Variants in TCAF1 observed in about 807,000 individuals in gnomAD.
TCAF1 encodes TRPM8 channel associated factor 1.
A neutral mutation model predicts 27.3 loss-of-function variants in TCAF1; 4 were observed. That is an observed-to-expected ratio of 0.15 (90% CI 0.07 to 0.34). The LOEUF (loss-of-function observed/expected upper bound fraction) is 0.34. Ranked by LOEUF, TCAF1 falls within the 10% of genes least tolerant of loss-of-function variation. The pLI, the probability that TCAF1 is intolerant of heterozygous loss-of-function variation, is 1.00. For missense variants in TCAF1, 257 were observed against 425.8 expected (o/e 0.60, Z 3.49); for synonymous variants, 105 against 167.1 (o/e 0.63, Z 2.87).
At chr7:143,895,962 A>C (rs1813854273) in intron 1 of TCAF1, among the ~76,000 whole-genome samples, 1 of 151,296 alleles carries the variant, frequency 6.6e-6, no homozygotes, top group African/African-American at 2.4e-5. Context: ...AGGGAAAGAA[A>C]CATAAAAGGC....
At chr7:143,881,576 G>A (rs767422830) in intron 1 of TCAF1, among the ~76,000 whole-genome samples, 3 of 152,010 alleles carry the variant, frequency 2.0e-5, no homozygotes, top group Non-Finnish European at 2.9e-5. Flanking sequence ...GAATACATGT[G>A]GAGGGATATA....
At position 143,901,633 on chromosome 7, in the gene TCAF1, TG is replaced by T. The variant is rs1485587907; in HGVS notation, c.-15+327del. On this transcript the variant is annotated intron_variant, in intron 1 of 8. Transcript: ENST00000479870. ...ACGGAGACAAGCTAGCCTAGAAGAA[TG>T]CAAGCCCCCAGCTGGCGAGATCAAA... Among the ~76,000 whole-genome samples, 4 of 152,282 alleles carry T rather than the reference TG, an allele frequency of 2.6e-5. No homozygotes were observed. In the East Asian group the frequency reaches 7.8e-4, roughly 30 times the overall value.
intron 1 of TCAF1, chr7:143,885,538 G>C (rs1173711795): frequency 1.0e-6 from 1 of 985,296 alleles, no homozygotes; most frequent in Non-Finnish European, 1.2e-6. Flanking sequence ...GCAGCAGGAC[G>C]ATTTGTTTCA....
In TCAF1 at chr7:143,876,351, A is replaced by G. The variant is rs771935260; in HGVS notation, c.258T>C (p.Ser86=). 4.3e-6 allele frequency: 7 copies of G among 1,614,210 alleles called. No homozygotes were observed. The highest frequency in any genetic ancestry group is 1.3e-5 in the African/African-American group (1 of 75,068). ...GTACACCAATGGGAGCCCCAGGGGA[A>G]GAGCAAAGCCACCCCACTGCGTTCA... ...FLLNAVGWLC[S]SPGAPIGVHP... The change falls in exon 2 of 9, where the codon TCT becomes TCC. Residue 86 remains serine, a synonymous_variant. Coordinates refer to ENST00000479870, the MANE Select transcript of TCAF1 (RefSeq NM_014719.3).
chr7:143,878,334 T>G (rs971958714), intron 1 of TCAF1, among the ~76,000 whole-genome samples: 1 of 152,194 alleles, frequency 6.6e-6, no homozygotes, highest in Non-Finnish European at 1.5e-5. Flanking sequence ...TTAATAGTTT[T>G]CATATTTTGG....
chr7:143,892,401 T>G (rs1274013053), intron 1 of TCAF1, among the ~76,000 whole-genome samples: 1 of 151,936 alleles, frequency 6.6e-6, no homozygotes, highest in Admixed American at 6.6e-5. Flanking sequence ...TTTAAAAAAT[T>G]ATAATTCAAA....
chr7:143,870,569 T>C (rs1252039314), intron 2 of TCAF1, among the ~76,000 whole-genome samples: 1 of 152,220 alleles, frequency 6.6e-6, no homozygotes, highest in African/African-American at 2.4e-5. Context: ...TGAGGACATA[T>C]ATGGTATGAT....
intron 2 of TCAF1, among the ~76,000 whole-genome samples, chr7:143,875,510 T>C (rs1812647882): frequency 6.6e-6 from 1 of 152,192 alleles, no homozygotes; most frequent in South Asian, 2.1e-4. Flanking sequence ...TTGAACCATC[T>C]TTTCTGATAT....
chr7:143,884,238 A>C (rs1813268639), intron 1 of TCAF1, among the ~76,000 whole-genome samples: 1 of 152,160 alleles, frequency 6.6e-6, no homozygotes, highest in Non-Finnish European at 1.5e-5. Context: ...CTGGGGTTTG[A>C]GTCCCAACCC....
At chr7:143,878,500 A>T (rs1586772365) in intron 1 of TCAF1, among the ~76,000 whole-genome samples, 1 of 152,254 alleles carries the variant, frequency 6.6e-6, no homozygotes, top group East Asian at 1.9e-4. Context: ...CAAGTTCAAG[A>T]CCATACTGGC....
intron 1 of TCAF1, among the ~76,000 whole-genome samples, chr7:143,877,306 T>A (rs2116782515): frequency 6.6e-6 from 1 of 152,236 alleles, no homozygotes; most frequent in African/African-American, 2.4e-5. Flanking sequence ...ATTCATACAG[T>A]GGTGCGGCAT....
At chr7:143,901,600 T>A (rs1372630798) in intron 1 of TCAF1, among the ~76,000 whole-genome samples, 1 of 152,162 alleles carries the variant, frequency 6.6e-6, no homozygotes, top group Non-Finnish European at 1.5e-5. Flanking sequence ...AACTTCCACC[T>A]GGGCTTAACG....
At chr7:143,901,532 T>TG (rs1814110622) in intron 1 of TCAF1, among the ~76,000 whole-genome samples, 1 of 151,636 alleles carries the variant, frequency 6.6e-6, no homozygotes, top group African/African-American at 2.4e-5. Context: ...CCAGGTCCCT[T>TG]CCCCCACCAC....
intron 1 of TCAF1, among the ~76,000 whole-genome samples, chr7:143,883,224 A>C (rs1353347035): frequency 6.6e-6 from 1 of 152,200 alleles, no homozygotes; most frequent in African/African-American, 2.4e-5. Context: ...GAAAATACAA[A>C]TTGTAGAAAT....
chr7:143,897,649 T>C (rs1316601581), intron 1 of TCAF1, among the ~76,000 whole-genome samples: 1 of 152,136 alleles, frequency 6.6e-6, no homozygotes, highest in Non-Finnish European at 1.5e-5. Flanking sequence ...TACATTCATG[T>C]ATATGTGAAA....
chr7:143,878,252 C>G (rs889746087), intron 1 of TCAF1, among the ~76,000 whole-genome samples: 1 of 152,104 alleles, frequency 6.6e-6, no homozygotes, highest in African/African-American at 2.4e-5. Context: ...ATAGAGAATT[C>G]TTGCAGTGGA....
rs1303862836 is a variant in TCAF1 at position 143,876,335 on chromosome 7, T to C, written c.274A>G (p.Ile92Val). ...GGTGCCAGGGATGGGTGTACACCAA[T>C]GGGAGCCCCAGGGGAAGAGCAAAGC... ...GWLCSSPGAP[I>V]GVHPSLAPLA... The change falls in exon 2 of 9, where the codon ATT becomes GTT. Residue 92 changes from isoleucine to valine, a missense_variant. Physicochemically the swap from Ile to Val is conservative, Grantham distance 29. Transcript: ENST00000479870. 6 of 1,614,032 alleles carry C rather than the reference T, an allele frequency of 3.7e-6. No homozygotes were observed. The Admixed American group carries it at 1.0e-4, about 27-fold the overall frequency.
chr7:143,875,399 A>C (rs1037206361), intron 2 of TCAF1, among the ~76,000 whole-genome samples: 4 of 152,114 alleles, frequency 2.6e-5, no homozygotes, highest in Non-Finnish European at 5.9e-5. Flanking sequence ...GTACACTCCA[A>C]AAACTTTCAG....
intron 1 of TCAF1, among the ~76,000 whole-genome samples, chr7:143,894,196 A>C (rs908068324): frequency 6.6e-6 from 1 of 151,898 alleles, no homozygotes; most frequent in Non-Finnish European, 1.5e-5. Context: ...ATAATCCTAT[A>C]CATAAAAAAA....
Sources: gnomAD v4.1 joint callset for allele counts (sites outside exome capture counted in the v4.1 genomes callset) on GRCh38, gnomAD v4.1.1 for gene constraint, MANE v1.5 for transcripts, NCBI Gene and HGNC (gene_info 2026-07-23, HGNC 2026-07-21) for gene names.